The following PELO variants were observed in gnomAD, a reference collection of about 807,000 sequenced individuals.
PELO encodes the protein protein pelota homolog.
Under a neutral mutation model 25.9 loss-of-function variants are expected in PELO, and 19 were observed. The ratio of observed to expected loss-of-function variants is 0.73; its 90% CI spans 0.51 to 1.08. The LOEUF is 1.08. Ranked by LOEUF, PELO falls within the 50% of genes least tolerant of loss-of-function variation. The pLI is 0.00. For synonymous variants in PELO, 196 were observed against 192.2 expected (o/e 1.02, Z -0.16); for missense variants, 498 against 491.4 (o/e 1.01, Z -0.13).
chr5:52,802,002 T>C lies in PELO; in HGVS notation c.*162T>C, dbSNP rs1014990600. 1.7e-6 allele frequency: 1 copy of C among 571,870 alleles called. No homozygotes were observed. The highest frequency in any genetic ancestry group is 3.3e-5 in the Admixed American group (1 of 30,116). The allele number at this position is 571,870 out of a possible 1,614,324, so 35.4% of individuals were successfully genotyped here. A position where few individuals can be genotyped will look rare whatever the true frequency, so the allele number is the denominator to read the frequency against. On this transcript the variant is annotated 3_prime_UTR_variant, in exon 3 of 3. Transcript: ENST00000274311. ...TAGATATTTTGTGATTGGCAAGACA[T>C]GTATTTAAACAATAAACTAAAAGGA...
intron 1 of PELO, among the ~76,000 whole-genome samples, chr5:52,790,901 T>C (rs988222425): frequency 6.6e-6 from 1 of 152,196 alleles, no homozygotes. Context: ...ATAATCCTCA[T>C]GTTCATTTTG....
rs1748525423 is a variant in PELO, at chr5:52,803,316, A to G, written c.*1476A>G. 1 of 135,912 alleles carries G rather than the reference A, an allele frequency of 7.4e-6. No homozygotes were observed. The highest frequency in any genetic ancestry group is 1.7e-5 in the Non-Finnish European group (1 of 58,834). 8.4% of individuals were successfully genotyped at this position (135,912 alleles called of 1,614,324 possible). A position where few individuals can be genotyped will look rare whatever the true frequency, so the allele number is the denominator to read the frequency against. On this transcript the variant is annotated 3_prime_UTR_variant, in exon 3 of 3. Transcript: ENST00000274311. ...AAGTAATTGAGATTGTCATTTCATT[A>G]TAATTCCGTGAGTATCTTTAAATTA...
chr5:52,800,552 C>A lies in PELO; in HGVS notation c.158C>A (p.Thr53Lys), dbSNP rs1748449614. The change falls in exon 2 of 3, where the codon ACG (threonine) becomes AAG (lysine). Residue 53 changes from threonine to lysine, a missense_variant. By Grantham distance (78) the Thr-to-Lys change is moderately conservative. Coordinates refer to ENST00000274311, the MANE Select transcript of PELO (RefSeq NM_015946.5). The part of the protein sequence containing the change: ...TIRKVQTESS[T>K]GSVGSNRVRT... ...CGCAAGGTACAGACAGAGTCCTCCA[C>A]GGGCAGCGTGGGCAGCAACCGGGTC... is the stretch of plus-strand genomic sequence containing the variant. 9 of 1,613,644 alleles carry A rather than the reference C, an allele frequency of 5.6e-6. No homozygotes were observed. The highest frequency in any genetic ancestry group is 7.6e-6 in the Non-Finnish European group (9 of 1,179,820).
In PELO at chr5:52,801,721, T is replaced by C; in HGVS notation, c.1039T>C (p.Ser347Pro). Residue 347 changes from serine to proline, a missense_variant, in exon 3 of 3, where the codon TCT becomes CCT. Transcript: ENST00000274311. ...GAATGCAGGCACCGTTAGGATATTC[T>C]CTAGTCTTCACGTTTCTGGGGAACA... ...KENAGTVRIF[S>P]SLHVSGEQLS... 1 of 1,614,174 alleles carries C rather than the reference T, an allele frequency of 6.2e-7. No homozygotes were observed.
chr5:52,795,768 G>A (rs1748329635), intron 1 of PELO, among the ~76,000 whole-genome samples: 1 of 151,862 alleles, frequency 6.6e-6, no homozygotes, highest in Non-Finnish European at 1.5e-5. Flanking sequence ...TTAATATCAA[G>A]TATCATAATA....
Position 52,801,666 on chromosome 5 carries a change from G to T in PELO, c.984G>T (p.Arg328=). 6.2e-7 allele frequency: 1 copy of T among 1,614,160 alleles called. No homozygotes were observed. Among genetic ancestry groups the T allele is most frequent in the Non-Finnish European group, 8.5e-7 (1 of 1,180,002 alleles). Residue 328 remains arginine, a synonymous_variant, in exon 3 of 3, where the codon CGG becomes CGT. Transcript: ENST00000274311. ...FRHQDVATRS[R]YVRLVDSVKE... ...ATCAGGATGTAGCCACACGGAGCCG[G>T]TATGTGAGGCTGGTGGACAGTGTGA...
In PELO at chr5:52,800,312, C is replaced by T; in HGVS notation, c.-83C>T. 2.6e-6 allele frequency: 4 copies of T among 1,510,452 alleles called. No homozygotes were observed. The highest frequency in any genetic ancestry group is 2.4e-4 in the Middle Eastern group (1 of 4,248). The allele number at this position is 1,510,452 out of a possible 1,614,324, so 93.6% of individuals were successfully genotyped here. On this transcript the variant is annotated 5_prime_UTR_variant, in exon 2 of 3. Transcript: ENST00000274311. ...AACCGGGCCCCGCCCCCTTCCTGGC[C>T]TGCATTCCCATCCCCTCTCCCGGGG... is the stretch of plus-strand genomic sequence containing the variant.
intron 1 of PELO, among the ~76,000 whole-genome samples, chr5:52,790,223 C>T (rs1748212294): frequency 1.3e-5 from 2 of 152,174 alleles, no homozygotes; most frequent in Non-Finnish European, 1.5e-5. Context: ...CCTCCTAATA[C>T]ATCATTTTTA....
rs562314145 is a variant in PELO at position 52,790,421 on chromosome 5, T to C, written c.-511+2007T>C. Among the ~76,000 whole-genome samples the C allele has an allele frequency of 1.2e-3, 182 of 152,312 alleles. 1 individual carries two copies. Among genetic ancestry groups the C allele is most frequent in the African/African-American group, 4.1e-3 (172 of 41,568 alleles). On this transcript the variant is annotated intron_variant, in intron 1 of 2. Transcript: ENST00000274311. ...AGCTTAAAACAACATAAATTTACTA[T>C]TGTACAGTTCTGTAGGTCAGAAGTA...
At chr5:52,799,674 C>T (rs1272300139) in intron 1 of PELO, among the ~76,000 whole-genome samples, 1 of 152,234 alleles carries the variant, frequency 6.6e-6, no homozygotes, top group African/African-American at 2.4e-5. Context: ...TTCTAAATAC[C>T]AGCTCCAACA....
intron 1 of PELO, among the ~76,000 whole-genome samples, chr5:52,790,234 C>A (rs1748212603): frequency 6.6e-6 from 1 of 152,154 alleles, no homozygotes; most frequent in African/African-American, 2.4e-5. Context: ...ATCATTTTTA[C>A]TATATCTGTT....
chr5:52,790,444 GTA>G (rs1321555259), intron 1 of PELO, among the ~76,000 whole-genome samples: 1 of 152,194 alleles, frequency 6.6e-6, no homozygotes, highest in African/African-American at 2.4e-5. Context: ...TAGGTCAGAA[GTA>G]TCACTGGGCT....
Position 52,800,027 on chromosome 5 carries a change from G to GC in PELO, c.-364dup, listed in dbSNP as rs970553255. ...TGCGCCTGCGCACGCGCGAACTGCG[G>GC]CCCCGCCTCTCCTTTGGGGACGGGA... On this transcript the variant is annotated 5_prime_UTR_variant, in exon 2 of 3. Coordinates refer to ENST00000274311, the MANE Select transcript of PELO (RefSeq NM_015946.5). 7.3e-5 allele frequency: 21 copies of GC among 288,390 alleles called. No homozygotes were observed. Among genetic ancestry groups the GC allele is most frequent in the African/African-American group, 4.2e-4 (19 of 45,242 alleles). The allele number at this position is 288,390 out of a possible 1,614,324, so 17.9% of individuals were successfully genotyped here.
intron 1 of PELO, among the ~76,000 whole-genome samples, chr5:52,793,185 T>C (rs1272731431): frequency 6.6e-6 from 1 of 152,094 alleles, no homozygotes; most frequent in Non-Finnish European, 1.5e-5. Context: ...AACTATCTAA[T>C]TGCCTGTCTT....
In PELO at chr5:52,803,011, T is replaced by G. The variant is rs1160616664; in HGVS notation, c.*1171T>G. On this transcript the variant is annotated 3_prime_UTR_variant, in exon 3 of 3. Coordinates refer to ENST00000274311, the MANE Select transcript of PELO (RefSeq NM_015946.5). ...GTAATGGAATTGCTTCTTGACCTTTTGCAAACCTCAATTTAGCAAAATAAT... is the reference window on the plus strand; with the variant it reads ...GTAATGGAATTGCTTCTTGACCTTTGGCAAACCTCAATTTAGCAAAATAAT... 1 of 152,240 alleles carries G rather than the reference T, an allele frequency of 6.6e-6. No individual in the cohort carries two copies. The highest frequency in any genetic ancestry group is 1.5e-5 in the Non-Finnish European group (1 of 68,040). The allele number at this position is 152,240 out of a possible 1,614,324, so 9.4% of individuals were successfully genotyped here. A position where few individuals can be genotyped will look rare whatever the true frequency, so the allele number is the denominator to read the frequency against.
At chr5:52,795,525 T>C (rs1748323969) in intron 1 of PELO, among the ~76,000 whole-genome samples, 1 of 151,930 alleles carries the variant, frequency 6.6e-6, no homozygotes. Context: ...ATAGGAAAGA[T>C]AGTAATTCAA....
Position 52,800,439 on chromosome 5 carries a change from G to A in PELO, c.45G>A (p.Gln15=), listed in dbSNP as rs1253163294. The A allele has an allele frequency of 3.1e-6, 5 of 1,614,066 alleles. No individual in the cohort carries two copies. Among genetic ancestry groups the A allele is most frequent in the East Asian group, 2.2e-5 (1 of 44,872 alleles). The stretch of plus-strand genomic sequence containing the variant: ...ACATCGAGAAGGACAATGCGGGCCA[G>A]GTGACCCTGGTCCCCGAGGAGCCTG... The part of the protein sequence containing the change: ...RKNIEKDNAG[Q]VTLVPEEPED... The change falls in exon 2 of 3, where the codon CAG becomes CAA. Residue 15 remains glutamine (Q), a synonymous_variant. Coordinates refer to ENST00000274311, the MANE Select transcript of PELO (RefSeq NM_015946.5).
In PELO at chr5:52,801,371, G is replaced by A. The variant is rs199703397; in HGVS notation, c.727-38G>A. ...GTGAGCTGATTAATGGGTGTTCTAG[G>A]AGATTATTTTGCCTAACTTTTGTAA... On this transcript the variant is annotated intron_variant, in intron 2 of 2. Transcript: ENST00000274311. 5.5e-4 allele frequency: 845 copies of A among 1,531,268 alleles called. 4 individuals are homozygous for A. In the African/African-American group the frequency reaches 0.01, roughly 19 times the overall value. The allele number at this position is 1,531,268 out of a possible 1,614,324, so 94.9% of individuals were successfully genotyped here.
chr5:52,795,940 T>C (rs1295766051), intron 1 of PELO, among the ~76,000 whole-genome samples: 2 of 151,960 alleles, frequency 1.3e-5, no homozygotes, highest in African/African-American at 2.4e-5. Flanking sequence ...CAATTCTTGG[T>C]CCACAAACAA....
Sources: allele counts gnomAD v4.1 joint callset (sites outside exome capture counted in the v4.1 genomes callset), GRCh38; gene constraint gnomAD v4.1.1; transcripts MANE v1.5; gene names NCBI Gene and HGNC (gene_info 2026-07-23, HGNC 2026-07-21).